UBE4B: variants seen among roughly 807,000 people sequenced by gnomAD.
The protein encoded by UBE4B is ubiquitin conjugation factor E4 B.
A neutral mutation model predicts 148.1 loss-of-function variants in UBE4B; 27 were observed. The observed-to-expected ratio is 0.18, with a 90% CI of 0.13 to 0.25. The LOEUF is 0.25. Among genes scored for constraint, UBE4B ranks in the 10% least tolerant of loss-of-function variants. The probability of loss-of-function intolerance (pLI) is 1.00; values close to 1 mark genes in which losing one functional copy is unlikely to be tolerated. For synonymous variants in UBE4B, 596 were observed against 619.3 expected, an observed-to-expected ratio of 0.96 and a Z score of 0.56; for missense variants, 1,170 against 1,662.4, an observed-to-expected ratio of 0.70 and a Z score of 5.15.
chr1:10,130,323 C>G (rs1214104483), intron 12 of UBE4B, among the ~76,000 whole-genome samples, 177 bp from the exon 13 acceptor site: 2 of 152,100 alleles, frequency 1.3e-5, no homozygotes, highest in Non-Finnish European at 2.9e-5. Context: ...GACCCACCCC[C>G]ACCCACACTG....
intron 25 of UBE4B, among the ~76,000 whole-genome samples, chr1:10,178,338 T>A (rs535672438): frequency 5.9e-5 from 9 of 151,976 alleles, no homozygotes; most frequent in African/African-American, 2.2e-4. Context: ...GCGTGCTAGC[T>A]GTAAAAATTC....
At chr1:10,034,682 C>G (rs1265613148) in intron 1 of UBE4B, among the ~76,000 whole-genome samples, 1 of 152,202 alleles carries the variant, frequency 6.6e-6, no homozygotes, top group Non-Finnish European at 1.5e-5. Context: ...AGTCATCCAT[C>G]AAGTTGATTG....
intron 25 of UBE4B, among the ~76,000 whole-genome samples, chr1:10,175,449 A>G (rs1646406831): frequency 6.6e-6 from 1 of 151,630 alleles, no homozygotes; most frequent in Non-Finnish European, 1.5e-5. Flanking sequence ...CAGGAGATCG[A>G]GACCGTCCTG....
chr1:10,069,561 G>A (rs1644448870), intron 1 of UBE4B, among the ~76,000 whole-genome samples: 2 of 152,104 alleles, frequency 1.3e-5, no homozygotes, highest in Non-Finnish European at 2.9e-5. Context: ...TTGAGACGGA[G>A]TCTCACTTCA....
intron 10 of UBE4B, among the ~76,000 whole-genome samples, chr1:10,126,002 A>T (rs1437774472): frequency 6.6e-6 from 1 of 152,176 alleles, no homozygotes; most frequent in East Asian, 1.9e-4. Context: ...AAAAGCTTTT[A>T]AAAAATATTG....
chr1:10,157,571 A>G (rs1646094175), intron 21 of UBE4B, among the ~76,000 whole-genome samples: 1 of 152,148 alleles, frequency 6.6e-6, no homozygotes, highest in Non-Finnish European at 1.5e-5. Context: ...TGAGGCCAAG[A>G]GATCGAGACA....
Position 10,106,598 on chromosome 1 carries a change from G to A in UBE4B, c.1196+15G>A. The A allele has an allele frequency of 6.6e-7, 1 of 1,519,770 alleles. No homozygotes were observed. The highest frequency in any genetic ancestry group is 8.8e-7 in the Non-Finnish European group (1 of 1,141,944). The allele number at this position is 1,519,770 out of a possible 1,614,324, so 94.1% of individuals were successfully genotyped here. On this transcript the variant is annotated intron_variant, in intron 7 of 27. Coordinates refer to ENST00000343090, the MANE Select transcript of UBE4B (RefSeq NM_001105562.3). This position sits in a 1 kb window ranked among gnomAD's most constrained non-coding sequence, Gnocchi z 4.2. ...ATCTCTCCTAGGTATTTATCCCACAGGAGAGTTGCATGTGTGTTTGCGGTG... is the reference window on the plus strand; with the variant it reads ...ATCTCTCCTAGGTATTTATCCCACAAGAGAGTTGCATGTGTGTTTGCGGTG...
At chr1:10,122,110 A>G in intron 10 of UBE4B, 34 bp downstream of exon 10, 1 of 1,452,218 alleles carries the variant, frequency 6.9e-7, no homozygotes, top group Non-Finnish European at 9.6e-7. Flanking sequence ...TGCAAATTTT[A>G]GCCTGAGAGC....
chr1:10,141,687 G>A (rs1645785131), intron 17 of UBE4B, among the ~76,000 whole-genome samples: 1 of 152,076 alleles, frequency 6.6e-6, no homozygotes, highest in Non-Finnish European at 1.5e-5. Context: ...CTCTAGCTGT[G>A]GTTCTGGAAG....
At chr1:10,120,394 G>A (rs550155455) in intron 9 of UBE4B, among the ~76,000 whole-genome samples, 1 of 152,242 alleles carries the variant, frequency 6.6e-6, no homozygotes, top group African/African-American at 2.4e-5. Context: ...ATTGTGGCAT[G>A]TGCCTGTAAT....
Position 10,097,052 on chromosome 1 carries a change from A to AAAAAAATAAT in UBE4B, c.347+1458_347+1459insAAAATAATAA, listed in dbSNP as rs554089049. Among the ~76,000 whole-genome samples, 605 of 138,424 alleles carry AAAAAAATAAT rather than the reference A, an allele frequency of 4.4e-3. 6 individuals are homozygous for AAAAAAATAAT. Among genetic ancestry groups the AAAAAAATAAT allele is most frequent in the African/African-American group, 0.016 (587 of 37,810 alleles). 90.8% of individuals were successfully genotyped at this position (138,424 alleles called of 152,430 possible). On this transcript the variant is annotated intron_variant, in intron 3 of 27. Transcript: ENST00000343090. ...AGACTCTGCATCAAAAAAAAAAAAA[A>AAAAAAATAAT]AATAATAATAATAATAATAACCAAA... is the stretch of plus-strand genomic sequence containing the variant.
chr1:10,078,485 T>C (rs978912227), intron 2 of UBE4B, among the ~76,000 whole-genome samples: 3 of 152,200 alleles, frequency 2.0e-5, no homozygotes, highest in African/African-American at 7.2e-5. Context: ...TTAAATTCTT[T>C]GGAGGACAGT....
Position 10,056,707 on chromosome 1 carries a change from G to C in UBE4B, c.25-15321G>C, listed in dbSNP as rs563591360. ...TGGAAACAGGTGCAGCTGGGATCCTGGCCAGCGCTAGCTACGCGATTGCTC... is the reference window on the plus strand; with the variant it reads ...TGGAAACAGGTGCAGCTGGGATCCTCGCCAGCGCTAGCTACGCGATTGCTC... On this transcript the variant is annotated intron_variant, in intron 1 of 27. Coordinates refer to ENST00000343090, the MANE Select transcript of UBE4B (RefSeq NM_001105562.3). Among the ~76,000 whole-genome samples, 120 of 152,342 alleles carry C rather than the reference G, an allele frequency of 7.9e-4. 1 individual carries two copies. In the Middle Eastern group the frequency reaches 0.017, roughly 22 times the overall value.
At chr1:10,092,922 A>G (rs996931701) in intron 2 of UBE4B, among the ~76,000 whole-genome samples, 2 of 152,212 alleles carry the variant, frequency 1.3e-5, no homozygotes, top group East Asian at 1.9e-4. Flanking sequence ...AAATTGTTGC[A>G]GAATTGCCCC....
intron 23 of UBE4B, among the ~76,000 whole-genome samples, chr1:10,167,474 T>C (rs192305397): frequency 0.017 from 2,588 of 149,680 alleles, 33 homozygotes; most frequent in Non-Finnish European, 0.027. Flanking sequence ...ATAATAATAA[T>C]GACTAAGTAA....
At chr1:10,043,729 G>T (rs115093897) in intron 1 of UBE4B, among the ~76,000 whole-genome samples, 1,984 of 152,144 alleles carry the variant, frequency 0.013, 39 homozygotes, top group African/African-American at 0.045. Context: ...CGCTGGGCCG[G>T]GATGCTTCTT....
intron 4 of UBE4B, among the ~76,000 whole-genome samples, chr1:10,102,744 T>C (rs1645036683): frequency 6.6e-6 from 1 of 152,060 alleles, no homozygotes; most frequent in Non-Finnish European, 1.5e-5. Flanking sequence ...ATAGATTGTA[T>C]TGTAAGCTCA....
At chr1:10,094,770 T>C (rs1413653140) in intron 2 of UBE4B, among the ~76,000 whole-genome samples, 1 of 151,842 alleles carries the variant, frequency 6.6e-6, no homozygotes, top group African/African-American at 2.4e-5. Context: ...TATCACATAT[T>C]TTTCTATAGG....
At chr1:10,071,009 G>A (rs767922732) in intron 1 of UBE4B, among the ~76,000 whole-genome samples, 2 of 152,094 alleles carry the variant, frequency 1.3e-5, no homozygotes, top group Non-Finnish European at 2.9e-5. Context: ...TCCACCTCCC[G>A]AGTTCAAGTG....
Sources: gnomAD v4.1 joint callset for allele counts (sites outside exome capture counted in the v4.1 genomes callset) on GRCh38, gnomAD v4.1.1 for gene constraint, Gnocchi (gnomAD v3.1) non-coding constraint, MANE v1.5 for transcripts, NCBI Gene and HGNC (gene_info 2026-07-23, HGNC 2026-07-21) for gene names.